Variants in DHX37 observed in about 807,000 individuals in gnomAD.
The protein encoded by DHX37 is probable ATP-dependent RNA helicase DHX37.
A neutral mutation model predicts 134.3 loss-of-function variants in DHX37; 52 were observed. That is an observed-to-expected ratio of 0.39 (90% confidence interval 0.31 to 0.49). DHX37 has a LOEUF of 0.49. Among genes scored for constraint, DHX37 ranks in the 20% least tolerant of loss-of-function variants. The pLI is 0.93. For missense variants in DHX37, 1,344 were observed against 1,580.8 expected, an observed-to-expected ratio of 0.85 and a Z score of 2.54; for synonymous variants, 634 against 670.7, an observed-to-expected ratio of 0.95 and a Z score of 0.85.
intron 3 of DHX37, among the ~76,000 whole-genome samples, chr12:124,981,932 T>G (rs1010700876): frequency 1.3e-5 from 2 of 151,690 alleles, no homozygotes; most frequent in Non-Finnish European, 2.9e-5. Context: ...GAGACCAGCC[T>G]GACCAACATG....
chr12:124,967,300 C>CT, intron 10 of DHX37, 82 bp from the exon 11 acceptor site: 1 of 1,468,750 alleles, frequency 6.8e-7, no homozygotes, highest in South Asian at 1.2e-5. Flanking sequence ...AAGCCATGCT[C>CT]TGAGAGGCAA....
chr12:124,954,148 C>T lies in DHX37; in HGVS notation c.2517G>A (p.Met839Ile). Residue 839 changes from methionine to isoleucine, a missense_variant, in exon 19 of 27, where the codon ATG becomes ATA. By Grantham distance (10) the Met-to-Ile change is conservative. Coordinates refer to ENST00000308736, the MANE Select transcript of DHX37 (RefSeq NM_032656.4). ...CCCCCTGCCCTGCCCAGGTCCTCTT[C>T]ATCTGGGCCACCCGGGCCCGCTTGC... ...LKSKRARVAQ[M>I]KRTWAGQGAS... 6.2e-7 allele frequency: 1 copy of T among 1,612,620 alleles called. No individual in the cohort carries two copies.
intron 2 of DHX37, among the ~76,000 whole-genome samples, chr12:124,983,329 C>T (rs1053626442): frequency 1.3e-5 from 2 of 151,574 alleles, no homozygotes; most frequent in East Asian, 3.9e-4. Flanking sequence ...GATCTCCTGA[C>T]CTCATGATCT....
intron 10 of DHX37, among the ~76,000 whole-genome samples, chr12:124,967,557 A>G (rs995994352): frequency 3.6e-4 from 55 of 152,218 alleles, no homozygotes; most frequent in African/African-American, 1.3e-3. Flanking sequence ...AGGAAGGCTC[A>G]CTGCCCAAGC....
intron 12 of DHX37, 132 bp downstream of exon 12, chr12:124,966,661 A>C: frequency 1.0e-6 from 1 of 956,378 alleles, no homozygotes; most frequent in Non-Finnish European, 1.6e-6. Context: ...ACTGTGCCTG[A>C]CCAGGAACTG....
At chr12:124,953,715 C>T (rs924589458) in intron 20 of DHX37, 165 bp downstream of exon 20, 38 of 1,253,526 alleles carry the variant, frequency 3.0e-5, no homozygotes, top group Admixed American at 5.5e-5. Context: ...TGCACATTCC[C>T]TTGTTCCTGG....
intron 13 of DHX37, 102 bp from the exon 14 acceptor site, chr12:124,965,108 C>T (rs940859183): frequency 7.5e-7 from 1 of 1,331,454 alleles, no homozygotes; most frequent in Non-Finnish European, 1.0e-6. Context: ...TCCACCAGAG[C>T]TCCTTTCTTT....
chr12:124,951,738 G>A (rs566933841), intron 21 of DHX37, among the ~76,000 whole-genome samples: 33 of 152,090 alleles, frequency 2.2e-4, no homozygotes, highest in African/African-American at 7.0e-4. Context: ...TTGGGAGGCC[G>A]AGGTGGGCAG....
chr12:124,970,445 G>A (rs1320357541), intron 8 of DHX37, among the ~76,000 whole-genome samples: 5 of 152,200 alleles, frequency 3.3e-5, no homozygotes, highest in Non-Finnish European at 7.3e-5. Context: ...GCACCAGGCA[G>A]ACGCCCGCCT....
chr12:124,962,167 C>T (rs941708294), intron 15 of DHX37, among the ~76,000 whole-genome samples: 1 of 152,042 alleles, frequency 6.6e-6, no homozygotes, highest in African/African-American at 2.4e-5. Flanking sequence ...ATACTTGGGC[C>T]ACTGAACTCC....
At chr12:124,950,919 T>A in intron 21 of DHX37, 115 bp from the exon 22 acceptor site, 1 of 1,372,300 alleles carries the variant, frequency 7.3e-7, no homozygotes, top group Non-Finnish European at 9.5e-7. Context: ...AGTGGGAGAG[T>A]GCTCCATCTG....
At chr12:124,954,875 A>G (rs949287697) in intron 18 of DHX37, among the ~76,000 whole-genome samples, 1 of 152,212 alleles carries the variant, frequency 6.6e-6, no homozygotes, top group African/African-American at 2.4e-5. Context: ...TAATTCTACC[A>G]ACAATCCAAT....
chr12:124,957,800 T>C (rs115258452), intron 16 of DHX37, among the ~76,000 whole-genome samples: 23,519 of 151,760 alleles, frequency 0.15, 4,605 homozygotes, highest in African/African-American at 0.47. Context: ...ATAGTAATAA[T>C]AACGTGAATA....
chr12:124,971,502 A>T (rs73229579), intron 7 of DHX37, 87 bp from the exon 8 acceptor site: 198,673 of 1,542,860 alleles, frequency 0.13, 14,538 homozygotes, highest in South Asian at 0.19. Flanking sequence ...TTGAGGAGAC[A>T]GTGTTAGAGG....
rs529082353 is a variant in DHX37, at chr12:124,961,264, A to ACT, written c.2046-842_2046-841insAG. On this transcript the variant is annotated intron_variant, in intron 15 of 26. Transcript: ENST00000308736. ...TACACGCGTGCACGCACGCACACACATACACGCGTGCACGCACACACACTT... is the reference window on the plus strand; with the variant it reads ...TACACGCGTGCACGCACGCACACACACTTACACGCGTGCACGCACACACACTT... 1.7e-3 allele frequency among the ~76,000 whole-genome samples: 208 copies of ACT among 125,196 alleles called. 1 individual carries two copies. The highest frequency in any genetic ancestry group is 9.4e-3 in the African/African-American group (199 of 21,270). 82.1% of individuals were successfully genotyped at this position (125,196 alleles called of 152,430 possible). A position where few individuals can be genotyped will look rare whatever the true frequency, so the allele number is the denominator to read the frequency against.
chr12:124,954,058 C>T (rs367662120), intron 19 of DHX37, 29 bp downstream of exon 19: 178 of 1,607,336 alleles, frequency 1.1e-4, no homozygotes, highest in Non-Finnish European at 1.4e-4. Context: ...GTGACCCTCC[C>T]GCCACCCTCC....
intron 3 of DHX37, among the ~76,000 whole-genome samples, chr12:124,981,349 G>A (rs1954755272): frequency 6.6e-6 from 1 of 152,200 alleles, no homozygotes; most frequent in Non-Finnish European, 1.5e-5. Context: ...ACCACAGAGT[G>A]GGGTGGGACT....
At position 124,949,611 on chromosome 12, in the gene DHX37, A is replaced by G. The variant is rs1418473976; in HGVS notation, c.3290+375T>C. 6.6e-6 allele frequency among the ~76,000 whole-genome samples: 1 copy of G among 152,198 alleles called. No individual in the cohort carries two copies. ...CATCAGCGTGTGACCTTATATGGAA[A>G]GAGGGTCACTGCAAATGTCATGAGT... On this transcript the variant is annotated intron_variant, in intron 25 of 26. Coordinates refer to ENST00000308736, the MANE Select transcript of DHX37 (RefSeq NM_032656.4). The surrounding 1 kb of genome is among the most constrained non-coding windows in gnomAD (Gnocchi z 4.0).
At chr12:124,972,130 C>T (rs1191734233) in intron 7 of DHX37, among the ~76,000 whole-genome samples, 5 of 152,220 alleles carry the variant, frequency 3.3e-5, no homozygotes, top group Admixed American at 3.3e-4. Context: ...TGTCTGGACC[C>T]GCCGCAGGGC....
Sources: gnomAD v4.1 joint callset for allele counts (sites outside exome capture counted in the v4.1 genomes callset) on GRCh38, gnomAD v4.1.1 for gene constraint, Gnocchi (gnomAD v3.1) non-coding constraint, MANE v1.5 for transcripts, NCBI Gene and HGNC (gene_info 2026-07-23, HGNC 2026-07-21) for gene names.